The following ZFP64 variants were observed in gnomAD, a reference collection of about 807,000 sequenced individuals.
The protein encoded by ZFP64 is zinc finger protein 64.
In ZFP64, 14 loss-of-function variants were observed where a neutral mutation model predicts 51.6. The ratio of observed to expected loss-of-function variants is 0.27; its 90% CI spans 0.18 to 0.42. The LOEUF (loss-of-function observed/expected upper bound fraction) is 0.42. ZFP64 is among the 10% of genes least tolerant of loss of function. The pLI is 1.00. For synonymous variants in ZFP64, 375 were observed against 361.4 expected (o/e 1.04, Z -0.43); for missense variants, 754 against 906.8 (o/e 0.83, Z 2.16).
In ZFP64 at chr20:52,191,575, C is replaced by A; in HGVS notation, c.46+16G>T. 1 of 1,573,716 alleles carries A rather than the reference C, an allele frequency of 6.4e-7. No homozygotes were observed. The highest frequency in any genetic ancestry group is 2.4e-5 in the East Asian group (1 of 41,272). On this transcript the variant is annotated intron_variant, in intron 1 of 5. Coordinates refer to ENST00000216923, the MANE Select transcript of ZFP64 (RefSeq NM_018197.3). The surrounding 1 kb of genome is among the most constrained non-coding windows in gnomAD (Gnocchi z 4.3). ...CTGGGCCCCGGAGCGCGCACTGCTC[C>A]CGGAAAAGCACTTACTTTGCACCGA...
chr20:52,117,887 C>T (rs1837908548), intron 5 of ZFP64, among the ~76,000 whole-genome samples: 1 of 152,064 alleles, frequency 6.6e-6, no homozygotes, highest in African/African-American at 2.4e-5. Context: ...TCTCAACCCC[C>T]CAGCCTTAAG....
downstream of ZFP64, among the ~76,000 whole-genome samples, chr20:52,149,136 C>G (rs190372282): frequency 3.3e-5 from 5 of 152,246 alleles, no homozygotes; most frequent in Admixed American, 3.3e-4. Flanking sequence ...ACCATTTTCA[C>G]GCAGCAGAGT....
chr20:52,155,895 C>T (rs770371834), intron 5 of ZFP64, among the ~76,000 whole-genome samples: 3 of 151,950 alleles, frequency 2.0e-5, no homozygotes, highest in Non-Finnish European at 4.4e-5. Flanking sequence ...ATCCAATTGC[C>T]GAAAGGGTAA....
Position 52,191,640 on chromosome 20 carries a change from C to G in ZFP64, c.-4G>C, listed in dbSNP as rs552743458. 13 of 1,586,972 alleles carry G rather than the reference C, an allele frequency of 8.2e-6. No homozygotes were observed. In the South Asian group the frequency reaches 1.5e-4, roughly 18 times the overall value. On this transcript the variant is annotated 5_prime_UTR_variant, in exon 1 of 6. Coordinates refer to ENST00000216923, the MANE Select transcript of ZFP64 (RefSeq NM_018197.3). The surrounding 1 kb of genome is among the most constrained non-coding windows in gnomAD (Gnocchi z 4.3). ...CGCCCTCGCTGCTCGCGTTCATGGC[C>G]GCAGACTGGGAGGTCCCCGGCCGGC...
Position 52,089,175 on chromosome 20 carries a change from C to T in ZFP64, c.977-532G>A, listed in dbSNP as rs554958509. On this transcript the variant is annotated intron_variant, in intron 7 of 8. Transcript: ENST00000361387. ...ATCCAGCCATGTTTCATCACTACCC[C>T]CTAGCCCAACCCTTCCAGGCTGATC... 5.7e-4 allele frequency: 210 copies of T among 369,126 alleles called. 5 individuals carry two copies. The highest frequency in any genetic ancestry group is 4.2e-3 in the South Asian group (203 of 48,260). 22.9% of individuals were successfully genotyped at this position (369,126 alleles called of 1,614,324 possible).
At chr20:52,105,571 T>A in intron 5 of ZFP64, 1 of 224,718 alleles carries the variant, frequency 4.5e-6, no homozygotes, top group African/African-American at 2.3e-5. Context: ...CACATTAAAG[T>A]TTGAGAAACC....
downstream of ZFP64, among the ~76,000 whole-genome samples, chr20:52,149,732 T>C (rs1980697203): frequency 6.6e-6 from 1 of 152,292 alleles, no homozygotes; most frequent in East Asian, 1.9e-4. Context: ...AATATGCATG[T>C]GTGTACATCT....
intron 5 of ZFP64, among the ~76,000 whole-genome samples, chr20:52,101,830 G>C (rs534413776): frequency 6.6e-6 from 1 of 151,244 alleles, no homozygotes; most frequent in East Asian, 2.0e-4. Flanking sequence ...TAAAAATGCA[G>C]AGTCTCAGCC....
At chr20:52,097,583 T>A in intron 6 of ZFP64, 2 of 685,428 alleles carry the variant, frequency 2.9e-6, no homozygotes, top group Non-Finnish European at 4.8e-6. Flanking sequence ...GCCTCCTGAG[T>A]AGCTGGGATT....
intron 1 of ZFP64, among the ~76,000 whole-genome samples, chr20:52,189,469 C>T (rs1241046251): frequency 6.6e-6 from 1 of 150,446 alleles, no homozygotes; most frequent in Admixed American, 6.6e-5. Context: ...AATCCTTTTC[C>T]TAATTTTTTT....
intron 5 of ZFP64, among the ~76,000 whole-genome samples, chr20:52,124,349 G>C (rs1979345341): frequency 6.6e-6 from 1 of 152,172 alleles, no homozygotes; most frequent in South Asian, 2.1e-4. Context: ...TGCTTCTGGG[G>C]AGCGAAGTTG....
At chr20:52,088,368 G>A (rs765364240) in intron 8 of ZFP64, 1 of 1,609,962 alleles carries the variant, frequency 6.2e-7, no homozygotes, top group Non-Finnish European at 8.5e-7. Flanking sequence ...GTAAGGGATT[G>A]AGGTTTCCTG....
At chr20:52,167,325 CA>C (rs1337195857) in intron 2 of ZFP64, among the ~76,000 whole-genome samples, 1 of 149,062 alleles carries the variant, frequency 6.7e-6, no homozygotes, top group Non-Finnish European at 1.5e-5. Context: ...AACTCTGTCT[CA>C]AAAAAAATAA....
At chr20:52,103,708 G>A (rs2079078224) in intron 5 of ZFP64, among the ~76,000 whole-genome samples, 1 of 152,192 alleles carries the variant, frequency 6.6e-6, no homozygotes, top group Admixed American at 6.5e-5. Context: ...CTTCCCCGAG[G>A]CGCAGAGATC....
chr20:52,175,864 G>GCCC, intron 2 of ZFP64: 29 of 256,902 alleles, frequency 1.1e-4, no homozygotes, highest in South Asian at 1.7e-4. Context: ...CCCCGCTGCC[G>GCCC]CCCCCGCCCC....
At chr20:52,110,719 A>T in intron 5 of ZFP64, 1 of 1,589,662 alleles carries the variant, frequency 6.3e-7, no homozygotes, top group East Asian at 2.2e-5. Context: ...GATGGCTCCA[A>T]CCTTAACTGC....
At position 52,191,465 on chromosome 20, in the gene ZFP64, G is replaced by C. The variant is rs1160992809; in HGVS notation, c.46+126C>G. ...CGCCCGCCGCGGTCCCCGAGACGCG[G>C]CTCCGAGCCGTCACCCCGATTTCGG... On this transcript the variant is annotated intron_variant, in intron 1 of 5. Transcript: ENST00000216923. The surrounding 1 kb of genome is among the most constrained non-coding windows in gnomAD (Gnocchi z 4.3). The C allele has an allele frequency of 8.2e-7, 1 of 1,215,574 alleles. No individual in the cohort carries two copies. Among genetic ancestry groups the C allele is most frequent in the African/African-American group, 1.6e-5 (1 of 62,076 alleles). The allele number at this position is 1,215,574 out of a possible 1,614,324, so 75.3% of individuals were successfully genotyped here.
intron 2 of ZFP64, among the ~76,000 whole-genome samples, chr20:52,184,982 C>A (rs1983858602): frequency 6.6e-6 from 1 of 152,050 alleles, no homozygotes; most frequent in Non-Finnish European, 1.5e-5. Context: ...CTCTATAGTA[C>A]ATGCTGTAAA....
chr20:52,107,048 C>T (rs1055193573), intron 5 of ZFP64, among the ~76,000 whole-genome samples: 4 of 152,222 alleles, frequency 2.6e-5, no homozygotes, highest in African/African-American at 9.6e-5. Context: ...GATCGCGCCA[C>T]TGCACTCCAG....
Sources: allele counts gnomAD v4.1 joint callset (sites outside exome capture counted in the v4.1 genomes callset), GRCh38; gene constraint gnomAD v4.1.1; non-coding constraint Gnocchi (gnomAD v3.1); transcripts MANE v1.5; gene names NCBI Gene and HGNC (gene_info 2026-07-23, HGNC 2026-07-21).